TH: variants seen among roughly 807,000 people sequenced by gnomAD.
TH encodes tyrosine 3-monooxygenase.
A neutral mutation model predicts 57.4 loss-of-function variants in TH; 49 were observed. The ratio of observed to expected loss-of-function variants is 0.85; its 90% confidence interval spans 0.68 to 1.08. TH has a LOEUF of 1.08. Ranked by LOEUF, TH falls within the 50% of genes least tolerant of loss-of-function variation. The pLI is 0.00. For missense variants in TH, 720 were observed against 696.7 expected (o/e 1.03, Z -0.38); for synonymous variants, 330 against 304.5 (o/e 1.08, Z -0.87).
intron 4 of TH, 60 bp from the exon 5 acceptor site, chr11:2,167,993 G>A (rs531858131): frequency 1.5e-5 from 24 of 1,609,252 alleles, no homozygotes; most frequent in African/African-American, 9.3e-5. Flanking sequence ...CACAGGCCAC[G>A]GAGGCTCCTG....
Position 2,166,544 on chromosome 11 carries a change from C to A in TH, c.983G>T (p.Cys328Phe), listed in dbSNP as rs121917765. The A allele has an allele frequency of 6.2e-7, 1 of 1,601,956 alleles. No homozygotes were observed. ...CACGTGCCCCAGCAGCTCGTGGCAG[C>A]AGTCCCTGCGCGTAGGAGGGAGAAG... ...SSPMHSPEPD[C>F]CHELLGHVPM... Residue 328 changes from cysteine to phenylalanine, a missense_variant, in exon 9 of 13, where the codon TGC (cysteine) becomes TTC (phenylalanine). By Grantham distance (205) the Cys-to-Phe change is radical. Coordinates refer to ENST00000352909, the MANE Select transcript of TH (RefSeq NM_000360.4).
At chr11:2,169,418 T>A (rs1846191353) in intron 2 of TH, among the ~76,000 whole-genome samples, 1 of 151,840 alleles carries the variant, frequency 6.6e-6, no homozygotes, top group Non-Finnish European at 1.5e-5. Context: ...AGAGGCACAG[T>A]GGGGCTTGGT....
intron 9 of TH, 41 bp from the exon 10 acceptor site, chr11:2,166,099 T>C: frequency 1.9e-6 from 3 of 1,548,060 alleles, no homozygotes; most frequent in Non-Finnish European, 1.7e-6. Flanking sequence ...GAGGCAGCCC[T>C]GGGTCATGCT....
intron 3 of TH, 117 bp downstream of exon 3, chr11:2,168,374 G>C (rs1185390258): frequency 1.9e-5 from 27 of 1,455,726 alleles, no homozygotes; most frequent in Non-Finnish European, 2.5e-5. Flanking sequence ...AGTGGAGCCC[G>C]CAGAGAGGGA....
intron 12 of TH, among the ~76,000 whole-genome samples, chr11:2,164,748 A>C (rs1258664686): frequency 3.9e-5 from 6 of 152,070 alleles, no homozygotes; most frequent in African/African-American, 1.4e-4. Flanking sequence ...CAGTTTCCCC[A>C]GTGCATAAGA....
Position 2,171,541 on chromosome 11 carries a change from G to A in TH, c.90+156C>T, listed in dbSNP as rs546147914. ...TCAAACACCAGGCACAGGGGATGCC[G>A]CTGTGCCCAGGCCTCCACATCCACG... On this transcript the variant is annotated intron_variant, in intron 1 of 12. Transcript: ENST00000352909. The surrounding 1 kb of genome is among the most constrained non-coding windows in gnomAD (Gnocchi z 8.6). 27 of 738,396 alleles carry A rather than the reference G, an allele frequency of 3.7e-5. No homozygotes were observed. Among genetic ancestry groups the A allele is most frequent in the Middle Eastern group, 7.4e-4 (2 of 2,702 alleles). 45.7% of individuals were successfully genotyped at this position (738,396 alleles called of 1,614,324 possible).
At chr11:2,168,737 C>CGGGGGGGGGG in intron 2 of TH, 72 bp from the exon 3 acceptor site, 1 of 177,918 alleles carries the variant, frequency 5.6e-6, no homozygotes, top group Non-Finnish European at 8.7e-6. Flanking sequence ...GTGGGGTGGG[C>CGGGGGGGGGG]GGGGAGGAGG....
At position 2,171,085 on chromosome 11, in the gene TH, G is replaced by GTGAGTGAA. The variant is rs1554924185; in HGVS notation, c.90+611_90+612insTTCACTCA. Among the ~76,000 whole-genome samples the GTGAGTGAA allele has an allele frequency of 1.3e-4, 19 of 140,890 alleles. No homozygotes were observed. In the South Asian group the frequency reaches 2.0e-3, roughly 15 times the overall value. 92.4% of individuals were successfully genotyped at this position (140,890 alleles called of 152,430 possible). A position where few individuals can be genotyped will look rare whatever the true frequency, so the allele number is the denominator to read the frequency against. ...GGTCACAGGGAACACAGACTCCATG[G>GTGAGTGAA]TGAATGAATGAATGAATGAATGAAT... is the stretch of plus-strand genomic sequence containing the variant. On this transcript the variant is annotated intron_variant, in intron 1 of 12. Transcript: ENST00000352909. This position sits in a 1 kb window ranked among gnomAD's most constrained non-coding sequence, Gnocchi z 8.6.
chr11:2,168,631 C>G lies in TH; in HGVS notation c.347G>C (p.Arg116Pro), dbSNP rs202204171. 2 of 1,608,474 alleles carry G rather than the reference C, an allele frequency of 1.2e-6. No homozygotes were observed. The highest frequency in any genetic ancestry group is 1.1e-5 in the South Asian group (1 of 90,904). The change falls in exon 3 of 13, where the codon CGG becomes CCG. Residue 116 changes from arginine to proline, a missense_variant. Coordinates refer to ENST00000352909, the MANE Select transcript of TH (RefSeq NM_000360.4). ...FEAKIHHLETRPAQRPRAGGP... is the reference protein window; with the variant it reads ...FEAKIHHLETPPAQRPRAGGP... ...CCCAGCTCGCGGCCTCTGGGCGGGC[C>G]GGGTCTCTAGATGGTGGATTTTGGC...
chr11:2,165,426 G>A (rs1846061112), intron 11 of TH, 61 bp from the exon 12 acceptor site: 1 of 1,600,126 alleles, frequency 6.2e-7, no homozygotes, highest in Non-Finnish European at 8.5e-7. Context: ...GGGAACTGGG[G>A]CACCGTGGCC....
At chr11:2,169,584 AACTCAGCCC>A in intron 2 of TH, 57 bp downstream of exon 2, 2 of 1,522,302 alleles carry the variant, frequency 1.3e-6, no homozygotes, top group Non-Finnish European at 1.8e-6. Context: ...AGGGGTCAGG[AACTCAGCCC>A]ACACAGCCCC....
At chr11:2,167,798 TCCCA>T in intron 5 of TH, 64 bp downstream of exon 5, 1 of 1,403,862 alleles carries the variant, frequency 7.1e-7, no homozygotes, top group Non-Finnish European at 9.9e-7. Context: ...TGTCCTTCCC[TCCCA>T]CCCCCCAGGT....
Position 2,170,035 on chromosome 11 carries a change from G to C in TH, c.91-164C>G, listed in dbSNP as rs764892869. 6.6e-6 allele frequency among the ~76,000 whole-genome samples: 1 copy of C among 152,204 alleles called. No homozygotes were observed. Among genetic ancestry groups the C allele is most frequent in the Admixed American group, 6.5e-5 (1 of 15,286 alleles). On this transcript the variant is annotated intron_variant, in intron 1 of 12. Transcript: ENST00000352909. This position sits in a 1 kb window ranked among gnomAD's most constrained non-coding sequence, Gnocchi z 6.0. ...GTGCCTGCTGGGGCAGATGCTAGCC[G>C]AGGTGCCTGCGGGCATTGCACGCCC... is the stretch of plus-strand genomic sequence containing the variant.
Position 2,167,859 on chromosome 11 carries a change from C to T in TH, c.644+7G>A. 1 of 1,600,056 alleles carries T rather than the reference C, an allele frequency of 6.2e-7. No homozygotes were observed. Among genetic ancestry groups the T allele is most frequent in the South Asian group, 1.1e-5 (1 of 89,044 alleles). On this transcript the variant is annotated splice_region_variant and intron_variant, in intron 5 of 12. Transcript: ENST00000352909. ...GAGTCTGGGTCCCGAGCGCAGGGGC[C>T]CCTCACTGCCTGTACTGGAAGGCGA... is the stretch of plus-strand genomic sequence containing the variant.
chr11:2,169,902 C>T, intron 1 of TH, 31 bp from the exon 2 acceptor site: 3 of 1,593,278 alleles, frequency 1.9e-6, no homozygotes, highest in Non-Finnish European at 1.7e-6. Context: ...CATGCCTCCT[C>T]CACCTGCTGA....
chr11:2,165,443 TG>T (rs2133689552), intron 11 of TH, 78 bp from the exon 12 acceptor site: 1 of 1,594,148 alleles, frequency 6.3e-7, no homozygotes. Flanking sequence ...GGCCTGACGC[TG>T]GGTGGGTTCC....
Position 2,164,288 on chromosome 11 carries a change from T to TCCAGGGAGC in TH, c.1430_1438dup (p.Leu479_Glu480insGlySerLeu). ...GGTGTCCAGCTCATCCTGGACACCC[T>TCCAGGGAGC]CCAGGGAGCGCCGCACGGCCTGGGG... On this transcript the variant is annotated inframe_insertion, in exon 13 of 13. Coordinates refer to ENST00000352909, the MANE Select transcript of TH (RefSeq NM_000360.4). 6.6e-7 allele frequency: 1 copy of TCCAGGGAGC among 1,510,608 alleles called. No individual in the cohort carries two copies. The highest frequency in any genetic ancestry group is 8.9e-7 in the Non-Finnish European group (1 of 1,126,224). 93.6% of individuals were successfully genotyped at this position (1,510,608 alleles called of 1,614,324 possible). A position where few individuals can be genotyped will look rare whatever the true frequency, so the allele number is the denominator to read the frequency against.
chr11:2,171,770 G>T lies in TH; in HGVS notation c.17C>A (p.Ala6Asp). 1 of 1,612,364 alleles carries T rather than the reference G, an allele frequency of 6.2e-7. No homozygotes were observed. The highest frequency in any genetic ancestry group is 1.7e-5 in the Admixed American group (1 of 60,002). Residue 6 changes from alanine (A) to aspartate (D), a missense_variant, in exon 1 of 13, where the codon GCC becomes GAC. Physicochemically the swap from Ala to Asp is moderately radical, Grantham distance 126 (BLOSUM62 -2). Transcript: ENST00000352909. This position sits in a 1 kb window ranked among gnomAD's most constrained non-coding sequence, Gnocchi z 8.6. MPTPDATTPQAKGFRR... is the reference protein window; with the variant it reads MPTPDDTTPQAKGFRR... Reference sequence around the variant, plus strand: ...GAAGCCCTTGGCCTGTGGCGTGGTGGCGTCGGGGGTGGGCATGGCTCAGTG... The same window carrying T: ...GAAGCCCTTGGCCTGTGGCGTGGTGTCGTCGGGGGTGGGCATGGCTCAGTG...
In TH at chr11:2,164,186, T is replaced by C; in HGVS notation, c.*47A>G. On this transcript the variant is annotated 3_prime_UTR_variant, in exon 13 of 13. Transcript: ENST00000352909. ...CACCAGGGCCTGAGCTCCGGGACAG[T>C]GCAGGACCAGGGGAGGTTGGGAAGG... 1 of 1,411,440 alleles carries C rather than the reference T, an allele frequency of 7.1e-7. No homozygotes were observed. Among genetic ancestry groups the C allele is most frequent in the Non-Finnish European group, 9.3e-7 (1 of 1,079,062 alleles). The allele number at this position is 1,411,440 out of a possible 1,614,324, so 87.4% of individuals were successfully genotyped here. A position where few individuals can be genotyped will look rare whatever the true frequency, so the allele number is the denominator to read the frequency against.
Sources: allele counts gnomAD v4.1 joint callset (sites outside exome capture counted in the v4.1 genomes callset), GRCh38; gene constraint gnomAD v4.1.1; non-coding constraint Gnocchi (gnomAD v3.1); transcripts MANE v1.5; gene names NCBI Gene and HGNC (gene_info 2026-07-23, HGNC 2026-07-21).